The following RPS6KC1 variants were observed in gnomAD, a reference collection of about 807,000 sequenced individuals.
RPS6KC1 encodes ribosomal protein S6 kinase C1.
Under a neutral mutation model 103.8 loss-of-function variants are expected in RPS6KC1, and 54 were observed. That is an observed-to-expected ratio of 0.52 (90% CI 0.42 to 0.65). The LOEUF (loss-of-function observed/expected upper bound fraction) is 0.65, where lower values mean the gene tolerates loss of function less well. RPS6KC1 is among the 30% of genes least tolerant of loss of function. RPS6KC1 has a pLI of 0.00. For missense variants in RPS6KC1, 1,151 were observed against 1,253.8 expected, an observed-to-expected ratio of 0.92 and a Z score of 1.24; for synonymous variants, 439 against 438.7, an observed-to-expected ratio of 1.00 and a Z score of -0.01.
In RPS6KC1 at chr1:213,079,865, T is replaced by C. The variant is rs1395665269; in HGVS notation, c.262+2049T>C. 5.3e-5 allele frequency among the ~76,000 whole-genome samples: 8 copies of C among 152,164 alleles called. No individual in the cohort carries two copies. The East Asian group carries it at 1.5e-3, about 29-fold the overall frequency. ...ATAACTGAATTTTAATCCTTTTTTTTCAAGTACTTATATCTGTATCTGTAA... is the reference window on the plus strand; with the variant it reads ...ATAACTGAATTTTAATCCTTTTTTTCCAAGTACTTATATCTGTATCTGTAA... On this transcript the variant is annotated intron_variant, in intron 3 of 14. Transcript: ENST00000366960.
intron 12 of RPS6KC1, among the ~76,000 whole-genome samples, chr1:213,253,072 A>T (rs2094572975): frequency 6.6e-6 from 1 of 152,224 alleles, no homozygotes. Context: ...AGGAGTTCTA[A>T]ATTACAATAG....
chr1:213,769,628 T>C, the RPS6KC1 span, among the ~76,000 whole-genome samples: 16 of 151,898 alleles, frequency 1.1e-4, no homozygotes, highest in African/African-American at 3.6e-4. Context: ...GGGAGCTAAA[T>C]TGAGGAATTC....
chr1:213,375,136 TAC>T, the RPS6KC1 span, among the ~76,000 whole-genome samples: 1 of 151,470 alleles, frequency 6.6e-6, no homozygotes. Flanking sequence ...TACACATATA[TAC>T]ACACATATAC....
chr1:213,670,636 G>A, the RPS6KC1 span, among the ~76,000 whole-genome samples: 1 of 152,154 alleles, frequency 6.6e-6, no homozygotes, highest in Non-Finnish European at 1.5e-5. Context: ...CAGGATAGGG[G>A]CCTGGCTGTG....
At chr1:213,289,253 CAAAAAAAAAAAAAAA>C in the RPS6KC1 span, among the ~76,000 whole-genome samples, 1 of 77,096 alleles carries the variant, frequency 1.3e-5, no homozygotes, top group South Asian at 7.0e-4. Flanking sequence ...GTTGGATGCT[CAAAAAAAAAAAAAAA>C]AAAAAAAAAG....
intron 12 of RPS6KC1, among the ~76,000 whole-genome samples, chr1:213,249,333 T>A (rs2094504661): frequency 6.6e-6 from 1 of 152,238 alleles, no homozygotes; most frequent in Non-Finnish European, 1.5e-5. Context: ...TAACATTTTG[T>A]AAATTTTAAT....
chr1:213,274,844 A>C (rs1211836854), downstream of RPS6KC1: 1 of 152,118 alleles, frequency 6.6e-6, no homozygotes, highest in Non-Finnish European at 1.5e-5. Context: ...TCCGTTTTAA[A>C]ATATACACTT....
the RPS6KC1 span, among the ~76,000 whole-genome samples, chr1:213,630,394 G>GAAGCC: frequency 6.6e-6 from 1 of 151,946 alleles, no homozygotes; most frequent in Non-Finnish European, 1.5e-5. Flanking sequence ...TTCTGCATTC[G>GAAGCC]TCATGTAGTT....
At chr1:213,336,066 C>T in the RPS6KC1 span, among the ~76,000 whole-genome samples, 5 of 152,256 alleles carry the variant, frequency 3.3e-5, no homozygotes, top group East Asian at 3.9e-4. Context: ...AAAATCAACA[C>T]GGAGTCAAGT....
the RPS6KC1 span, among the ~76,000 whole-genome samples, chr1:213,689,632 A>G: frequency 2.0e-5 from 3 of 152,200 alleles, no homozygotes; most frequent in East Asian, 1.9e-4. Context: ...GGCAAGCTCA[A>G]ACTTCTCAGA....
the RPS6KC1 span, among the ~76,000 whole-genome samples, chr1:213,627,220 CTCTG>C: frequency 3.3e-5 from 5 of 150,670 alleles, no homozygotes; most frequent in African/African-American, 1.2e-4. Flanking sequence ...TGATTTCGCT[CTCTG>C]TCTGTTATTG....
the RPS6KC1 span, among the ~76,000 whole-genome samples, chr1:213,357,984 C>T: frequency 6.6e-6 from 1 of 152,120 alleles, no homozygotes; most frequent in Non-Finnish European, 1.5e-5. Flanking sequence ...GGGATGAAGC[C>T]CACTTGATCA....
chr1:213,066,405 A>C (rs1396797999), intron 1 of RPS6KC1, among the ~76,000 whole-genome samples: 1 of 152,158 alleles, frequency 6.6e-6, no homozygotes, highest in Non-Finnish European at 1.5e-5. Context: ...CCCTGTCTAA[A>C]TTTCCTCCTT....
chr1:213,222,178 AT>A lies in RPS6KC1; in HGVS notation c.1045-8316del, dbSNP rs534432528. On this transcript the variant is annotated intron_variant, in intron 8 of 14. Transcript: ENST00000366960. ...GGAACATTGCTAACCTTTTTGGATT[AT>A]TTGTTCACTTCATGATAATCTGCTA... 4.6e-5 allele frequency among the ~76,000 whole-genome samples: 7 copies of A among 152,262 alleles called. No homozygotes were observed. The East Asian group carries it at 1.3e-3, about 29-fold the overall frequency.
chr1:213,507,134 T>G, the RPS6KC1 span, among the ~76,000 whole-genome samples: 1 of 152,192 alleles, frequency 6.6e-6, no homozygotes, highest in Admixed American at 6.5e-5. Flanking sequence ...CTCCTGCTAA[T>G]TTGGTTACAT....
chr1:213,816,971 A>G, the RPS6KC1 span, among the ~76,000 whole-genome samples: 1 of 152,188 alleles, frequency 6.6e-6, no homozygotes, highest in African/African-American at 2.4e-5. Context: ...GGAAGTCTGG[A>G]TCTAGAAGGG....
chr1:213,249,458 G>C (rs532173773), intron 12 of RPS6KC1, among the ~76,000 whole-genome samples: 9 of 152,328 alleles, frequency 5.9e-5, no homozygotes, highest in Admixed American at 3.3e-4. Context: ...AAGGCAAGTA[G>C]GATTTCTGAA....
chr1:213,524,412 C>T, the RPS6KC1 span, among the ~76,000 whole-genome samples: 1 of 151,886 alleles, frequency 6.6e-6, no homozygotes, highest in East Asian at 1.9e-4. Context: ...CCAGCCCCAG[C>T]CCCAGCCCAG....
At chr1:213,484,376 C>T in the RPS6KC1 span, among the ~76,000 whole-genome samples, 1 of 152,326 alleles carries the variant, frequency 6.6e-6, no homozygotes, top group Non-Finnish European at 1.5e-5. Flanking sequence ...CATGCTCACC[C>T]ACTTGGCTAT....
Sources: allele counts gnomAD v4.1 joint callset (sites outside exome capture counted in the v4.1 genomes callset), GRCh38; gene constraint gnomAD v4.1.1; transcripts MANE v1.5; gene names NCBI Gene and HGNC (gene_info 2026-07-23, HGNC 2026-07-21).